STK32B: variants seen among roughly 807,000 people sequenced by gnomAD.
STK32B encodes serine/threonine kinase 32B.
In STK32B, 43 loss-of-function variants were observed where a neutral mutation model predicts 52.6. The ratio of observed to expected loss-of-function variants is 0.82; its 90% CI spans 0.64 to 1.05. The LOEUF is 1.05. Ranked by LOEUF, STK32B falls within the 50% of genes least tolerant of loss-of-function variation. STK32B has a pLI of 0.00. For missense variants in STK32B, 621 were observed against 534.6 expected (o/e 1.16, Z -1.59); for synonymous variants, 238 against 204.3 (o/e 1.17, Z -1.41).
chr4:5,384,751 A>C (rs1736139983), intron 4 of STK32B, among the ~76,000 whole-genome samples: 1 of 152,090 alleles, frequency 6.6e-6, no homozygotes, highest in African/African-American at 2.4e-5. Flanking sequence ...CAAGGAGGTA[A>C]AAGGTGGGTG....
At chr4:5,313,604 ACAAAG>A (rs1730462561) in intron 3 of STK32B, among the ~76,000 whole-genome samples, 1 of 152,002 alleles carries the variant, frequency 6.6e-6, no homozygotes, top group African/African-American at 2.4e-5. Context: ...ACATTAAAAA[ACAAAG>A]AATTTATTAA....
chr4:5,236,031 G>A (rs1724609980), intron 3 of STK32B, among the ~76,000 whole-genome samples: 1 of 152,180 alleles, frequency 6.6e-6, no homozygotes, highest in African/African-American at 2.4e-5. Flanking sequence ...GAGCAGCCAG[G>A]AGGGGGTGGG....
At chr4:5,427,098 A>T (rs1713171310) in intron 6 of STK32B, 1 of 152,290 alleles carries the variant, frequency 6.6e-6, no homozygotes, top group Non-Finnish European at 1.5e-5. Flanking sequence ...TCGGTTTTTT[A>T]AAATCGTAAA....
rs574567312 is a variant in STK32B, at chr4:5,446,843, G to A, written c.666+67G>A. On this transcript the variant is annotated intron_variant, in intron 7 of 11. Coordinates refer to ENST00000282908, the MANE Select transcript of STK32B (RefSeq NM_018401.3). Reference sequence around the variant, plus strand: ...GTGGGGGCTCACGTTGTACCTGGACGGGCAGAGTCGGCAGGGCCCGCGGTG... The same window carrying A: ...GTGGGGGCTCACGTTGTACCTGGACAGGCAGAGTCGGCAGGGCCCGCGGTG... 7.3e-5 allele frequency: 112 copies of A among 1,531,302 alleles called. 1 individual carries two copies. The East Asian group carries it at 2.0e-3, about 27-fold the overall frequency. 94.9% of individuals were successfully genotyped at this position (1,531,302 alleles called of 1,614,324 possible). A position where few individuals can be genotyped will look rare whatever the true frequency, so the allele number is the denominator to read the frequency against.
intron 4 of STK32B, among the ~76,000 whole-genome samples, chr4:5,352,259 A>G (rs1274111385): frequency 6.6e-6 from 1 of 152,130 alleles, no homozygotes; most frequent in Non-Finnish European, 1.5e-5. Context: ...ATCAAGTAGA[A>G]TTTATCTCAG....
intron 3 of STK32B, among the ~76,000 whole-genome samples, chr4:5,321,878 A>C (rs1292629364): frequency 6.6e-6 from 1 of 151,968 alleles, no homozygotes; most frequent in Non-Finnish European, 1.5e-5. Context: ...GGTCTACGGG[A>C]GGCCATTGGA....
chr4:5,043,853 C>T, the STK32B span, among the ~76,000 whole-genome samples: 42 of 152,336 alleles, frequency 2.8e-4, no homozygotes, highest in Admixed American at 2.7e-3. Flanking sequence ...CCTGTCTTCT[C>T]GGGCTCCCAG....
At position 5,066,990 on chromosome 4, in the gene STK32B, G is replaced by C. The variant is rs190810635; in HGVS notation, c.52+15075G>C. Among the ~76,000 whole-genome samples the C allele has an allele frequency of 5.6e-3, 851 of 152,258 alleles. 3 individuals carry two copies. Among genetic ancestry groups the C allele is most frequent in the African/African-American group, 0.019 (798 of 41,536 alleles). ...CTCTTGTGGCTCTTTCATTAAGTCA[G>C]TATATTAGTCTGTTTTCACACTGCT... is the stretch of plus-strand genomic sequence containing the variant. On this transcript the variant is annotated intron_variant, in intron 1 of 11. Transcript: ENST00000282908.
chr4:5,187,131 G>T (rs1483240796), intron 3 of STK32B, among the ~76,000 whole-genome samples: 1 of 152,194 alleles, frequency 6.6e-6, no homozygotes, highest in East Asian at 1.9e-4. Flanking sequence ...CCAGTAGTCA[G>T]AGAAGCCATG....
intron 11 of STK32B, among the ~76,000 whole-genome samples, chr4:5,487,731 G>A (rs1378986128): frequency 1.3e-5 from 2 of 152,162 alleles, no homozygotes; most frequent in Admixed American, 6.5e-5. Context: ...CATCGAGGAG[G>A]GGAGGAGTCT....
chr4:5,494,461 A>G (rs1284517477), intron 11 of STK32B, among the ~76,000 whole-genome samples: 2 of 151,952 alleles, frequency 1.3e-5, no homozygotes, highest in African/African-American at 2.4e-5. Flanking sequence ...TTTTGAGCCT[A>G]TGTGTGTCTC....
intron 11 of STK32B, among the ~76,000 whole-genome samples, chr4:5,488,909 TTA>T (rs1719448539): frequency 6.6e-6 from 1 of 152,220 alleles, no homozygotes; most frequent in African/African-American, 2.4e-5. Flanking sequence ...AGAATATATT[TTA>T]TGTCTGTCTT....
chr4:5,044,038 T>G, the STK32B span, among the ~76,000 whole-genome samples: 1 of 152,176 alleles, frequency 6.6e-6, no homozygotes, highest in Non-Finnish European at 1.5e-5. Flanking sequence ...TGGTTTACAA[T>G]TTACCAGGTG....
At chr4:5,283,100 T>C (rs1728313502) in intron 3 of STK32B, among the ~76,000 whole-genome samples, 2 of 152,090 alleles carry the variant, frequency 1.3e-5, no homozygotes, top group African/African-American at 4.8e-5. Context: ...CTCCCTAGCC[T>C]CTGATAACCA....
intron 11 of STK32B, among the ~76,000 whole-genome samples, chr4:5,495,373 C>A (rs928896881): frequency 6.6e-6 from 1 of 152,168 alleles, no homozygotes; most frequent in African/African-American, 2.4e-5. Flanking sequence ...CTCATTGGCT[C>A]CTGAGGCTTC....
intron 11 of STK32B, among the ~76,000 whole-genome samples, chr4:5,496,548 C>CCTGCTTCTGCTGGCGCACGGTGCG (rs61698429): frequency 7.3e-6 from 1 of 137,920 alleles, no homozygotes; most frequent in African/African-American, 3.3e-5. Context: ...AATGCCTTGC[C>CCTGCTTCTGCTGGCGCACGGTGCG]CTGCACCCAC....
chr4:5,374,384 C>T (rs1735446963), intron 4 of STK32B, among the ~76,000 whole-genome samples: 2 of 152,128 alleles, frequency 1.3e-5, no homozygotes, highest in Admixed American at 6.5e-5. Context: ...TTCAAAAAGA[C>T]GCTTCACATC....
At chr4:5,369,014 C>T (rs1735059067) in intron 4 of STK32B, among the ~76,000 whole-genome samples, 1 of 152,014 alleles carries the variant, frequency 6.6e-6, no homozygotes, top group African/African-American at 2.4e-5. Context: ...CTGTCCACAT[C>T]GCACCCCACA....
At chr4:5,456,768 G>T (rs866819055) in intron 7 of STK32B, 39 bp from the exon 8 acceptor site, 1 of 1,500,518 alleles carries the variant, frequency 6.7e-7, no homozygotes. Flanking sequence ...CCTTCCAATG[G>T]CTCTCTCTCT....
Sources: allele counts gnomAD v4.1 joint callset (sites outside exome capture counted in the v4.1 genomes callset), GRCh38; gene constraint gnomAD v4.1.1; transcripts MANE v1.5; gene names NCBI Gene and HGNC (gene_info 2026-07-23, HGNC 2026-07-21).